The following CCDC178 variants were observed in gnomAD, a reference collection of about 807,000 sequenced individuals.
CCDC178 encodes coiled-coil domain-containing protein 178.
In CCDC178, 126 loss-of-function variants were observed where a neutral mutation model predicts 117.4. The ratio of observed to expected loss-of-function variants is 1.07; its 90% CI spans 0.93 to 1.24. The LOEUF is 1.24. Ranked by LOEUF, CCDC178 falls within the 50% of genes most tolerant of loss-of-function variation. The probability of loss-of-function intolerance (pLI) is 0.00; values close to 1 mark genes in which losing one functional copy is unlikely to be tolerated. For missense variants in CCDC178, 1,030 were observed against 986.9 expected (o/e 1.04, Z -0.59); for synonymous variants, 283 against 313.4 (o/e 0.90, Z 1.02).
chr18:33,239,793 C>T (rs1468973547), intron 15 of CCDC178, among the ~76,000 whole-genome samples: 4 of 151,672 alleles, frequency 2.6e-5, no homozygotes, highest in Non-Finnish European at 5.9e-5. Context: ...CAGCACTGGA[C>T]AGACCACCTA....
chr18:33,194,090 A>G (rs1390076375), intron 20 of CCDC178, among the ~76,000 whole-genome samples: 1 of 152,228 alleles, frequency 6.6e-6, no homozygotes, highest in Non-Finnish European at 1.5e-5. Context: ...TACAATGGCA[A>G]TTAAATTTCA....
At chr18:33,416,279 T>C (rs1403004779) in intron 2 of CCDC178, among the ~76,000 whole-genome samples, 1 of 151,978 alleles carries the variant, frequency 6.6e-6, no homozygotes, top group East Asian at 1.9e-4. Context: ...TACAAAAAAT[T>C]AGCCGGGCGT....
chr18:33,005,573 C>A (rs1347514971), intron 21 of CCDC178, among the ~76,000 whole-genome samples: 1 of 151,824 alleles, frequency 6.6e-6, no homozygotes, highest in Admixed American at 6.6e-5. Context: ...CAACAGACAA[C>A]AATAACTTGT....
At chr18:33,213,624 A>G (rs766474153) in intron 19 of CCDC178, among the ~76,000 whole-genome samples, 18 of 151,888 alleles carry the variant, frequency 1.2e-4, no homozygotes, top group Non-Finnish European at 2.6e-4. Context: ...TAATTATAGC[A>G]TTGTATTAAT....
intron 14 of CCDC178, among the ~76,000 whole-genome samples, chr18:33,263,261 A>G (rs369747211): frequency 1.8e-4 from 28 of 152,176 alleles, no homozygotes; most frequent in African/African-American, 6.8e-4. Context: ...GGGAGTTTTA[A>G]AAGTATTATA....
chr18:33,215,830 T>A, intron 18 of CCDC178, 135 bp from the exon 19 acceptor site: 1 of 597,956 alleles, frequency 1.7e-6, no homozygotes, highest in Non-Finnish European at 2.7e-6. Flanking sequence ...CTCACTCCTG[T>A]AATCCCAGCA....
chr18:33,317,589 A>T (rs1347753950), intron 11 of CCDC178, among the ~76,000 whole-genome samples: 4 of 152,084 alleles, frequency 2.6e-5, no homozygotes. Context: ...CTTGCACGAG[A>T]TCCAAGAACA....
intron 22 of CCDC178, among the ~76,000 whole-genome samples, chr18:32,957,500 G>A (rs1026134071): frequency 9.2e-5 from 14 of 152,062 alleles, no homozygotes; most frequent in Non-Finnish European, 1.9e-4. Context: ...TAGGTCAGGG[G>A]CAAACGATGA....
At chr18:33,124,337 G>A (rs912079449) in intron 20 of CCDC178, among the ~76,000 whole-genome samples, 1 of 152,162 alleles carries the variant, frequency 6.6e-6, no homozygotes, top group East Asian at 1.9e-4. Flanking sequence ...GGCTGCTGGT[G>A]AACCCTTCAG....
chr18:33,113,728 A>G (rs796205157), intron 20 of CCDC178, among the ~76,000 whole-genome samples: 36 of 152,186 alleles, frequency 2.4e-4, no homozygotes, highest in African/African-American at 8.7e-4. Context: ...TCCCTCAGAA[A>G]CATCTGCCAC....
At chr18:33,177,194 G>A (rs988485584) in intron 20 of CCDC178, among the ~76,000 whole-genome samples, 9 of 151,834 alleles carry the variant, frequency 5.9e-5, no homozygotes, top group Non-Finnish European at 1.2e-4. Flanking sequence ...ATCACACACC[G>A]GGGGACTGTC....
intron 20 of CCDC178, among the ~76,000 whole-genome samples, chr18:33,157,008 G>T (rs1019946458): frequency 2.0e-5 from 3 of 152,158 alleles, no homozygotes; most frequent in African/African-American, 7.2e-5. Flanking sequence ...AATGGATTCA[G>T]AACAGTCTAC....
Position 33,092,939 on chromosome 18 carries a change from G to A in CCDC178, c.2239-29C>T, listed in dbSNP as rs201849575. Reference sequence around the variant, plus strand: ...GAAGGTAAAAAAATATAATTGAATTGTGTGTATATATATATAAACGCAATT... The same window carrying A: ...GAAGGTAAAAAAATATAATTGAATTATGTGTATATATATATAAACGCAATT... On this transcript the variant is annotated intron_variant, in intron 20 of 22. Transcript: ENST00000383096. The A allele has an allele frequency of 7.4e-5, 101 of 1,355,984 alleles. 1 individual carries two copies. The East Asian group carries it at 1.1e-3, about 15-fold the overall frequency. 84.0% of individuals were successfully genotyped at this position (1,355,984 alleles called of 1,614,324 possible). A position where few individuals can be genotyped will look rare whatever the true frequency, so the allele number is the denominator to read the frequency against.
At chr18:33,070,153 A>G (rs1182889704) in intron 21 of CCDC178, among the ~76,000 whole-genome samples, 2 of 152,082 alleles carry the variant, frequency 1.3e-5, no homozygotes, top group Non-Finnish European at 2.9e-5. Flanking sequence ...CTACCATATA[A>G]TACAGCAATC....
At chr18:33,389,142 A>G (rs2063532085) in intron 5 of CCDC178, among the ~76,000 whole-genome samples, 1 of 151,618 alleles carries the variant, frequency 6.6e-6, no homozygotes, top group Admixed American at 6.6e-5. Context: ...CCTGGAACTT[A>G]AAATAAAATA....
At chr18:33,308,699 A>T (rs1316984463) in intron 11 of CCDC178, among the ~76,000 whole-genome samples, 1 of 152,102 alleles carries the variant, frequency 6.6e-6, no homozygotes, top group Non-Finnish European at 1.5e-5. Flanking sequence ...ACCCAGTGGG[A>T]GGTAATTGAA....
At chr18:33,286,844 G>A (rs1485421904) in intron 12 of CCDC178, among the ~76,000 whole-genome samples, 1 of 151,926 alleles carries the variant, frequency 6.6e-6, no homozygotes, top group Non-Finnish European at 1.5e-5. Flanking sequence ...AGATATAAAT[G>A]CCTTTTTTAT....
At chr18:32,974,779 G>A (rs61747484) in intron 21 of CCDC178, 98 bp from the exon 22 acceptor site, 1 of 1,203,720 alleles carries the variant, frequency 8.3e-7, no homozygotes, top group Non-Finnish European at 1.2e-6. Context: ...ATAGAAAGCA[G>A]TCAATAGCCC....
intron 21 of CCDC178, among the ~76,000 whole-genome samples, chr18:33,084,144 T>C (rs188643201): frequency 6.6e-6 from 1 of 152,228 alleles, no homozygotes; most frequent in Non-Finnish European, 1.5e-5. Flanking sequence ...CATGTTCTTG[T>C]AGCTTTATTG....
Sources: gnomAD v4.1 joint callset for allele counts (sites outside exome capture counted in the v4.1 genomes callset) on GRCh38, gnomAD v4.1.1 for gene constraint, MANE v1.5 for transcripts, NCBI Gene and HGNC (gene_info 2026-07-23, HGNC 2026-07-21) for gene names.